The following SCUBE2 variants were observed in gnomAD, a reference collection of about 807,000 sequenced individuals.
SCUBE2 encodes signal peptide, CUB domain and EGF like domain containing 2.
SCUBE2 carries 114 observed loss-of-function variants against 125.9 expected under a neutral mutation model. That is an observed-to-expected ratio of 0.91 (90% CI 0.78 to 1.06). The LOEUF is 1.06. Among genes scored for constraint, SCUBE2 ranks in the 50% least tolerant of loss-of-function variants. The pLI is 0.00. For synonymous variants in SCUBE2, 459 were observed against 492.9 expected (o/e 0.93, Z 0.91); for missense variants, 1,255 against 1,301.8 (o/e 0.96, Z 0.55).
chr11:9,087,233 ACT>A (rs1191009845), intron 2 of SCUBE2, among the ~76,000 whole-genome samples: 1 of 152,106 alleles, frequency 6.6e-6, no homozygotes, highest in Non-Finnish European at 1.5e-5. Flanking sequence ...GAGTAAGGAA[ACT>A]CTTGCCAATT....
chr11:9,053,327 C>T, intron 11 of SCUBE2, 112 bp from the exon 12 acceptor site: 1 of 880,452 alleles, frequency 1.1e-6, no homozygotes, highest in Non-Finnish European at 1.8e-6. Flanking sequence ...AGAGCTCATG[C>T]CCAGCACAGA....
In SCUBE2 at chr11:9,069,411, C is replaced by G; in HGVS notation, c.602G>C (p.Arg201Thr). The G allele has an allele frequency of 6.2e-7, 1 of 1,614,238 alleles. No homozygotes were observed. Among genetic ancestry groups the G allele is most frequent in the Non-Finnish European group, 8.5e-7 (1 of 1,180,038 alleles). ...GTTCTTGGCCAGCTCAAAACCAGGC[C>G]TGCACTCACAGGCGACGCTGCCCCT... ...APRGSVACEC[R>T]PGFELAKNQR... Residue 201 changes from arginine (R) to threonine (T), a missense_variant, in exon 5 of 23, where the codon AGG becomes ACG. Arg to Thr is a moderately conservative substitution (Grantham distance 71). Coordinates refer to ENST00000649792, the MANE Select transcript of SCUBE2 (RefSeq NM_001367977.2).
chr11:9,084,682 G>A (rs1371731249), intron 2 of SCUBE2, among the ~76,000 whole-genome samples: 1 of 152,166 alleles, frequency 6.6e-6, no homozygotes, highest in African/African-American at 2.4e-5. Flanking sequence ...CACCTCTGTA[G>A]CAGCCTGGCC....
intron 9 of SCUBE2, among the ~76,000 whole-genome samples, chr11:9,058,581 GCGA>G (rs1859340157): frequency 8.8e-6 from 1 of 113,604 alleles, no homozygotes; most frequent in Non-Finnish European, 1.6e-5. Context: ...GGGTGACAGA[GCGA>G]GACTCTGTCT....
Position 9,047,497 on chromosome 11 carries a change from G to A in SCUBE2, c.1861C>T (p.Leu621Phe). Residue 621 changes from leucine to phenylalanine, a missense_variant, in exon 16 of 23, where the codon CTC becomes TTC. This residue lies in a region of SCUBE2 where 515 missense variants were observed against 515.7 expected (regional missense o/e 1.00). Coordinates refer to ENST00000649792, the MANE Select transcript of SCUBE2 (RefSeq NM_001367977.2). ...EKRLRKAIRT[L>F]RKAVHREQFH... ...TGCTCCCTGTGGACGGCCTTTCTGA[G>A]CGTGCGGATGGCTTTACGGAGCCGC... The A allele has an allele frequency of 6.2e-7, 1 of 1,613,940 alleles. No homozygotes were observed. Among genetic ancestry groups the A allele is most frequent in the Non-Finnish European group, 8.5e-7 (1 of 1,179,998 alleles).
Position 9,030,783 on chromosome 11 carries a change from A to T in SCUBE2, c.2316T>A (p.Thr772=). The stretch of plus-strand genomic sequence containing the variant: ...CTCTGGTTTCACAGTCCTGAAAGGA[A>T]GTAGCTCCCTGATGTTTGGTGGCAA... ...GGLATKHQGA[T]SFQDCETRVQ... is the part of the protein sequence containing the mutation. The change falls in exon 18 of 23, where the codon ACT becomes ACA. Residue 772 remains threonine (T), a synonymous_variant. Transcript: ENST00000649792. 1 of 1,614,094 alleles carries T rather than the reference A, an allele frequency of 6.2e-7. No homozygotes were observed. Among genetic ancestry groups the T allele is most frequent in the Non-Finnish European group, 8.5e-7 (1 of 1,179,982 alleles).
chr11:9,059,520 G>A, intron 8 of SCUBE2, 95 bp from the exon 9 acceptor site: 1 of 1,398,758 alleles, frequency 7.1e-7, no homozygotes, highest in Admixed American at 2.3e-5. Flanking sequence ...ATTAGTCTCT[G>A]AAATTAAGAA....
intron 16 of SCUBE2, among the ~76,000 whole-genome samples, chr11:9,047,061 C>CGTGATCTTGAGCAAGAGAATTTAA (rs1590054414): frequency 9.3e-6 from 1 of 108,068 alleles, no homozygotes; most frequent in African/African-American, 3.4e-5. Context: ...AGAACATCAG[C>CGTGATCTTGAGCAAGAGAATTTAA]CACTTCTTTC....
intron 14 of SCUBE2, among the ~76,000 whole-genome samples, chr11:9,048,890 G>C (rs1039220564): frequency 1.3e-5 from 2 of 152,052 alleles, no homozygotes; most frequent in African/African-American, 4.8e-5. Context: ...ACATTACAAG[G>C]ACATTCAAGC....
intron 14 of SCUBE2, among the ~76,000 whole-genome samples, 160 bp from the exon 15 acceptor site, chr11:9,048,258 C>T (rs181076054): frequency 6.6e-6 from 1 of 152,334 alleles, no homozygotes; most frequent in East Asian, 1.9e-4. Flanking sequence ...TGGAGCACAA[C>T]GACATTTTAA....
chr11:9,046,960 T>G (rs1566191779), intron 16 of SCUBE2, among the ~76,000 whole-genome samples: 1 of 139,620 alleles, frequency 7.2e-6, no homozygotes, highest in Non-Finnish European at 1.6e-5. Context: ...ATGATTCTAC[T>G]GATACTTAGG....
At chr11:9,052,871 G>A (rs1446544946) in intron 12 of SCUBE2, 39 bp from the exon 13 acceptor site, 2 of 1,460,406 alleles carry the variant, frequency 1.4e-6, no homozygotes, top group African/African-American at 2.8e-5. Flanking sequence ...GCATAAGCAA[G>A]GTCACAGGCT....
chr11:9,046,182 A>AT (rs531200901), intron 16 of SCUBE2, among the ~76,000 whole-genome samples: 6 of 150,748 alleles, frequency 4.0e-5, no homozygotes, highest in Admixed American at 3.3e-4. Context: ...AATTTTTTGT[A>AT]TTTTTTTAGT....
In SCUBE2 at chr11:9,027,360, G is replaced by C; in HGVS notation, c.2701+4C>G. ...GAGAAAGGGAGGGAGGGAGTGAGAC[G>C]CACAGGTTTTCCGCATCACCAGATA... On this transcript the variant is annotated splice_donor_region_variant and intron_variant, in intron 20 of 22. Coordinates refer to ENST00000649792, the MANE Select transcript of SCUBE2 (RefSeq NM_001367977.2). 6.2e-7 allele frequency: 1 copy of C among 1,613,656 alleles called. No individual in the cohort carries two copies. The highest frequency in any genetic ancestry group is 1.3e-5 in the African/African-American group (1 of 74,978).
At chr11:9,071,159 G>C (rs536604375) in intron 4 of SCUBE2, among the ~76,000 whole-genome samples, 1 of 152,144 alleles carries the variant, frequency 6.6e-6, no homozygotes, top group African/African-American at 2.4e-5. Context: ...ACTAGTGCTC[G>C]GGGGTAAATA....
chr11:9,065,903 G>T lies in SCUBE2; in HGVS notation c.838C>A (p.Arg280=). Residue 280 remains arginine (R), a synonymous_variant, in exon 7 of 23, where the codon CGG becomes AGG. Transcript: ENST00000649792. ...VVDGDKRVKR[R]LLMETCAVNN... ...TGAAGGTGCCTACCCATGAGCAGCC[G>T]CCGTTTCACCCGTTTATCCCCATCC... The T allele has an allele frequency of 6.2e-7, 1 of 1,614,020 alleles. No homozygotes were observed. Among genetic ancestry groups the T allele is most frequent in the East Asian group, 2.2e-5 (1 of 44,890 alleles).
chr11:9,058,636 A>T (rs989101875), intron 9 of SCUBE2, among the ~76,000 whole-genome samples: 25 of 145,972 alleles, frequency 1.7e-4, no homozygotes, highest in Admixed American at 2.0e-4. Flanking sequence ...AAAAATTCAG[A>T]AATTAGCTGA....
At chr11:9,052,938 A>G in intron 12 of SCUBE2, 106 bp from the exon 13 acceptor site, 2 of 1,052,404 alleles carry the variant, frequency 1.9e-6, no homozygotes, top group East Asian at 2.6e-5. Flanking sequence ...CACTAGAAAA[A>G]TGCCCAGCAT....
At position 9,079,489 on chromosome 11, in the gene SCUBE2, C is replaced by T; in HGVS notation, c.277G>A (p.Glu93Lys). The T allele has an allele frequency of 1.2e-6, 2 of 1,613,658 alleles. No individual in the cohort carries two copies. Among genetic ancestry groups the T allele is most frequent in the Non-Finnish European group, 1.7e-6 (2 of 1,179,800 alleles). ...TCATGGACACAGCCTCCATTGAGCT[C>T]ATTTCCACATTCATCGATGTCTGAG... ...QCEDIDECGN[E>K]LNGGCVHDCL... Residue 93 changes from glutamate to lysine, a missense_variant, in exon 3 of 23, where the codon GAG (glutamate) becomes AAG (lysine). Physicochemically the swap from Glu to Lys is moderately conservative, Grantham distance 56. This residue lies in a region of SCUBE2 where 362 missense variants were observed against 323.0 expected (regional missense o/e 1.12). Transcript: ENST00000649792.
Sources: gnomAD v4.1 joint callset for allele counts (sites outside exome capture counted in the v4.1 genomes callset) on GRCh38, gnomAD v4.1.1 for gene constraint, gnomAD v4.1.1 regional missense constraint, MANE v1.5 for transcripts, NCBI Gene and HGNC (gene_info 2026-07-23, HGNC 2026-07-21) for gene names.